VTI1A: variants seen among roughly 807,000 people sequenced by gnomAD.
The protein encoded by VTI1A is vesicle transport through interaction with t-SNAREs homolog 1A.
Under a neutral mutation model 34.9 loss-of-function variants are expected in VTI1A, and 22 were observed. The ratio of observed to expected loss-of-function variants is 0.63; its 90% CI spans 0.45 to 0.90. VTI1A has a LOEUF of 0.90. Ranked by LOEUF, VTI1A falls within the 40% of genes least tolerant of loss-of-function variation. The pLI is 0.00. For synonymous variants in VTI1A, 87 were observed against 97.3 expected, an observed-to-expected ratio of 0.89 and a Z score of 0.62; for missense variants, 268 against 275.6, an observed-to-expected ratio of 0.97 and a Z score of 0.20.
At chr10:112,687,519 C>T (rs1418306443) in intron 7 of VTI1A, among the ~76,000 whole-genome samples, 2 of 151,936 alleles carry the variant, frequency 1.3e-5, no homozygotes, top group Non-Finnish European at 2.9e-5. Context: ...AGGTGTGAGC[C>T]ACTGCGCCCG....
chr10:112,843,742 C>T, the VTI1A span, among the ~76,000 whole-genome samples: 3 of 152,168 alleles, frequency 2.0e-5, no homozygotes, highest in Non-Finnish European at 2.9e-5. Flanking sequence ...ACAGTCCACA[C>T]AGTCACGTTC....
At chr10:112,543,693 G>A (rs189171705) in intron 5 of VTI1A, among the ~76,000 whole-genome samples, 21 of 152,116 alleles carry the variant, frequency 1.4e-4, no homozygotes, top group South Asian at 4.2e-4. Flanking sequence ...ATTAGATCCC[G>A]TTTGTCAATT....
At chr10:112,603,038 T>G (rs892720082) in intron 5 of VTI1A, among the ~76,000 whole-genome samples, 3 of 152,250 alleles carry the variant, frequency 2.0e-5, no homozygotes, top group Non-Finnish European at 4.4e-5. Flanking sequence ...TAATACTTTA[T>G]TTTGAATTCA....
intron 7 of VTI1A, among the ~76,000 whole-genome samples, chr10:112,695,101 C>T (rs1037691977): frequency 2.0e-5 from 3 of 152,038 alleles, no homozygotes; most frequent in Non-Finnish European, 4.4e-5. Context: ...TTTTTTTGAG[C>T]TTTGTCTTTC....
chr10:112,559,544 A>T (rs1211150564), intron 5 of VTI1A, among the ~76,000 whole-genome samples: 4 of 152,092 alleles, frequency 2.6e-5, no homozygotes, highest in Admixed American at 2.6e-4. Context: ...CCCACTTCAA[A>T]TGCAACAACA....
At chr10:112,647,315 C>T (rs1846834793) in intron 5 of VTI1A, among the ~76,000 whole-genome samples, 1 of 152,128 alleles carries the variant, frequency 6.6e-6, no homozygotes, top group Non-Finnish European at 1.5e-5. Flanking sequence ...TGATGAAAGA[C>T]CTGTAGAGTG....
At chr10:112,733,124 A>G (rs575304147) in intron 7 of VTI1A, among the ~76,000 whole-genome samples, 1 of 152,300 alleles carries the variant, frequency 6.6e-6, no homozygotes, top group South Asian at 2.1e-4. Flanking sequence ...GATTCCTGGC[A>G]CGTTCAGCTC....
At position 112,793,019 on chromosome 10, in the gene VTI1A, C is replaced by T. The variant is rs1852540904; in HGVS notation, c.561-22271C>T. Among the ~76,000 whole-genome samples, 3 of 152,236 alleles carry T rather than the reference C, an allele frequency of 2.0e-5. No individual in the cohort carries two copies. In the South Asian group the frequency reaches 6.2e-4, roughly 31 times the overall value. On this transcript the variant is annotated intron_variant, in intron 7 of 7. Coordinates refer to ENST00000393077, the MANE Select transcript of VTI1A (RefSeq NM_145206.4). ...TTCCTTGCCTCGCCTGGCTCTGTTA[C>T]AGGCATCTGCAGTAATTGTCGCACA...
chr10:112,593,180 T>C (rs1475222270), intron 5 of VTI1A, among the ~76,000 whole-genome samples: 1 of 152,198 alleles, frequency 6.6e-6, no homozygotes, highest in African/African-American at 2.4e-5. Flanking sequence ...TCGCTCAACA[T>C]TAGAATGAGC....
chr10:112,537,144 C>T (rs1040071771), intron 4 of VTI1A, among the ~76,000 whole-genome samples: 23 of 151,580 alleles, frequency 1.5e-4, no homozygotes, highest in Non-Finnish European at 4.4e-5. Flanking sequence ...CATCTGTCAA[C>T]AACACAAAGT....
chr10:112,535,779 G>C (rs1416799932), intron 4 of VTI1A, among the ~76,000 whole-genome samples: 1 of 152,204 alleles, frequency 6.6e-6, no homozygotes, highest in African/African-American at 2.4e-5. Context: ...AGCTGCTACT[G>C]TAGTGTATTT....
intron 3 of VTI1A, among the ~76,000 whole-genome samples, chr10:112,513,695 GT>G (rs779265135): frequency 6.7e-6 from 1 of 148,612 alleles, no homozygotes; most frequent in Non-Finnish European, 1.5e-5. Context: ...ACTTTATTGT[GT>G]TTAGGTATAT....
chr10:112,802,035 C>A (rs556193206), intron 7 of VTI1A, among the ~76,000 whole-genome samples: 1 of 152,186 alleles, frequency 6.6e-6, no homozygotes, highest in East Asian at 1.9e-4. Context: ...ATCGCTGGAG[C>A]CCGGGAATTT....
chr10:112,855,094 G>A, the VTI1A span, among the ~76,000 whole-genome samples: 1 of 152,078 alleles, frequency 6.6e-6, no homozygotes, highest in Non-Finnish European at 1.5e-5. Flanking sequence ...AGCTCCACCT[G>A]GGATGGGAAG....
intron 5 of VTI1A, among the ~76,000 whole-genome samples, chr10:112,557,390 C>T (rs143472708): frequency 8.5e-5 from 13 of 152,050 alleles, no homozygotes; most frequent in South Asian, 4.2e-4. Context: ...AATTATCTTC[C>T]GATGTTCAGC....
At chr10:112,533,602 A>G in intron 4 of VTI1A, 1 of 993,088 alleles carries the variant, frequency 1.0e-6, no homozygotes, top group East Asian at 7.3e-5. Flanking sequence ...TTCCCTATAA[A>G]ATTGAGTTTT....
intron 3 of VTI1A, among the ~76,000 whole-genome samples, chr10:112,465,097 A>G (rs1847854616): frequency 6.6e-6 from 1 of 152,116 alleles, no homozygotes; most frequent in African/African-American, 2.4e-5. Context: ...CATAGACTTT[A>G]TTAGATTCTT....
In VTI1A at chr10:112,593,262, G is replaced by A. The variant is rs373622136; in HGVS notation, c.427+54932G>A. ...GATTGAGTCAGAATCTCCAATGGTC[G>A]GGTGTAGGCATCAATATTTTTTAAA... On this transcript the variant is annotated intron_variant, in intron 5 of 7. Transcript: ENST00000393077. Among the ~76,000 whole-genome samples the A allele has an allele frequency of 3.3e-3, 505 of 152,300 alleles. 4 individuals are homozygous for A. Among genetic ancestry groups the A allele is most frequent in the Non-Finnish European group, 5.9e-3 (401 of 68,024 alleles).
At chr10:112,604,587 C>T (rs1003919930) in intron 5 of VTI1A, among the ~76,000 whole-genome samples, 2 of 152,208 alleles carry the variant, frequency 1.3e-5, no homozygotes, top group Non-Finnish European at 2.9e-5. Flanking sequence ...AATGATTTTG[C>T]TTCCACACAA....
Sources: allele counts gnomAD v4.1 joint callset (sites outside exome capture counted in the v4.1 genomes callset), GRCh38; gene constraint gnomAD v4.1.1; transcripts MANE v1.5; gene names NCBI Gene and HGNC (gene_info 2026-07-23, HGNC 2026-07-21).